The following EYA3 variants were observed in gnomAD, a reference collection of about 807,000 sequenced individuals.
EYA3 encodes protein phosphatase EYA3.
EYA3 carries 39 observed loss-of-function variants against 80.0 expected under a neutral mutation model. That is an observed-to-expected ratio of 0.49 (90% CI 0.38 to 0.64). The LOEUF (loss-of-function observed/expected upper bound fraction) is 0.64. Ranked by LOEUF, EYA3 falls within the 30% of genes least tolerant of loss-of-function variation. The pLI is 0.00. For synonymous variants in EYA3, 206 were observed against 232.8 expected (o/e 0.88, Z 1.05); for missense variants, 523 against 676.1 (o/e 0.77, Z 2.51).
At chr1:28,005,154 C>T (rs193200891) in intron 10 of EYA3, among the ~76,000 whole-genome samples, 22 of 152,232 alleles carry the variant, frequency 1.4e-4, no homozygotes, top group East Asian at 5.8e-4. Flanking sequence ...ATACAAAATC[C>T]GGTAAGAGCT....
intron 17 of EYA3, 36 bp downstream of exon 17, chr1:27,978,338 A>G (rs1639079222): frequency 6.8e-7 from 1 of 1,480,746 alleles, no homozygotes; most frequent in South Asian, 1.1e-5. Flanking sequence ...TACTCGATGT[A>G]CAACCACATA....
chr1:28,001,103 T>C (rs1245656424), intron 11 of EYA3, among the ~76,000 whole-genome samples: 3 of 150,984 alleles, frequency 2.0e-5, no homozygotes. Flanking sequence ...TACACATATC[T>C]ATATCACTGT....
chr1:28,073,127 A>ATATATATATAT (rs1553157671), intron 1 of EYA3, among the ~76,000 whole-genome samples: 1 of 14,996 alleles, frequency 6.7e-5, no homozygotes, highest in Admixed American at 7.2e-4. Flanking sequence ...ATATATATAT[A>ATATATATATAT]TTTTTTTTTT....
chr1:28,049,613 G>A (rs1032569813), intron 2 of EYA3, among the ~76,000 whole-genome samples: 6 of 152,130 alleles, frequency 3.9e-5, no homozygotes, highest in Admixed American at 3.9e-4. Context: ...GGAGGTTGAG[G>A]GATTCCAGGA....
At chr1:28,017,289 TAGA>T (rs1184121987) in intron 7 of EYA3, 50 bp from the exon 8 acceptor site, 7 of 1,349,428 alleles carry the variant, frequency 5.2e-6, no homozygotes, top group Admixed American at 1.7e-5. Flanking sequence ...TGTAAAAGGT[TAGA>T]AGAAACTGAA....
At chr1:28,082,925 A>T (rs1248642979) in intron 1 of EYA3, among the ~76,000 whole-genome samples, 1 of 152,194 alleles carries the variant, frequency 6.6e-6, no homozygotes, top group Non-Finnish European at 1.5e-5. Flanking sequence ...TCTGAGAAAC[A>T]TCGGTAGTAA....
At chr1:28,074,128 C>A (rs1321603538) in intron 1 of EYA3, among the ~76,000 whole-genome samples, 1 of 152,180 alleles carries the variant, frequency 6.6e-6, no homozygotes, top group Admixed American at 6.5e-5. Flanking sequence ...CTGTTACCAT[C>A]ATAACAGAAG....
chr1:28,071,736 T>C (rs1260759446), intron 1 of EYA3, among the ~76,000 whole-genome samples: 1 of 152,208 alleles, frequency 6.6e-6, no homozygotes, highest in Non-Finnish European at 1.5e-5. Context: ...ATTAAAGACA[T>C]ATTCTGAAAG....
At chr1:28,061,521 T>C (rs1644623603) in intron 1 of EYA3, among the ~76,000 whole-genome samples, 1 of 151,192 alleles carries the variant, frequency 6.6e-6, no homozygotes, top group Non-Finnish European at 1.5e-5. Flanking sequence ...AACTTGGTAA[T>C]AAAAGAAGTA....
chr1:28,000,592 G>GT (rs920221990), intron 11 of EYA3, among the ~76,000 whole-genome samples: 5 of 151,904 alleles, frequency 3.3e-5, no homozygotes, highest in Non-Finnish European at 7.4e-5. Flanking sequence ...GATTACAGGT[G>GT]TGAGCCACCG....
At chr1:28,018,573 G>A (rs973265256) in intron 7 of EYA3, among the ~76,000 whole-genome samples, 5 of 152,180 alleles carry the variant, frequency 3.3e-5, no homozygotes, top group African/African-American at 1.2e-4. Flanking sequence ...CTTCCATTGA[G>A]AACAGGGCAG....
chr1:28,014,880 G>A (rs1397148343), intron 8 of EYA3, among the ~76,000 whole-genome samples: 1 of 152,164 alleles, frequency 6.6e-6, no homozygotes, highest in Non-Finnish European at 1.5e-5. Context: ...AACTAGGTAT[G>A]ACAGTTCAAA....
At chr1:28,059,250 TA>T (rs1644534398) in intron 1 of EYA3, among the ~76,000 whole-genome samples, 1 of 152,222 alleles carries the variant, frequency 6.6e-6, no homozygotes, top group South Asian at 2.1e-4. Flanking sequence ...TGTCCAACTC[TA>T]ACACAGCTTT....
At chr1:28,036,369 A>C (rs1643455677) in intron 5 of EYA3, among the ~76,000 whole-genome samples, 1 of 152,306 alleles carries the variant, frequency 6.6e-6, no homozygotes, top group Middle Eastern at 3.4e-3. Flanking sequence ...AGAGAACAAG[A>C]TTGGCAATTG....
intron 1 of EYA3, among the ~76,000 whole-genome samples, chr1:28,080,461 AAAAC>A (rs995463925): frequency 4.6e-5 from 7 of 152,276 alleles, no homozygotes; most frequent in African/African-American, 1.2e-4. Context: ...CCTGTCTCAA[AAAAC>A]AAACAAACAA....
At chr1:28,012,381 T>C (rs561312418) in intron 9 of EYA3, among the ~76,000 whole-genome samples, 3 of 152,360 alleles carry the variant, frequency 2.0e-5, no homozygotes, top group South Asian at 4.1e-4. Context: ...ACCATTTGTA[T>C]GTCCACTTAT....
intron 2 of EYA3, 49 bp from the exon 3 acceptor site, chr1:28,048,475 A>T (rs971641257): frequency 6.8e-7 from 1 of 1,470,592 alleles, no homozygotes; most frequent in Non-Finnish European, 9.4e-7. Context: ...TCTGTTTTTT[A>T]AATCATTTAG....
intron 1 of EYA3, among the ~76,000 whole-genome samples, chr1:28,087,393 T>G (rs1030745314): frequency 2.0e-5 from 3 of 152,204 alleles, no homozygotes; most frequent in Admixed American, 6.5e-5. Flanking sequence ...AATGTACTTC[T>G]AAGTAATGTA....
At chr1:27,998,274 A>C (rs1201232549) in intron 12 of EYA3, 25 of 981,464 alleles carry the variant, frequency 2.5e-5, no homozygotes, top group Non-Finnish European at 2.9e-5. Flanking sequence ...TAAAGTTGAG[A>C]AGCACTGACC....
Sources: gnomAD v4.1 joint callset for allele counts (sites outside exome capture counted in the v4.1 genomes callset) on GRCh38, gnomAD v4.1.1 for gene constraint, MANE v1.5 for transcripts, NCBI Gene and HGNC (gene_info 2026-07-23, HGNC 2026-07-21) for gene names.